The following MGAT4C variants were observed in gnomAD, a reference collection of about 807,000 sequenced individuals.
MGAT4C encodes the protein alpha-1,3-mannosyl-glycoprotein 4-beta-N-acetylglucosaminyltransferase C.
In MGAT4C, 19 loss-of-function variants were observed where a neutral mutation model predicts 40.1. The ratio of observed to expected loss-of-function variants is 0.47; its 90% CI spans 0.33 to 0.70. The LOEUF is 0.70. MGAT4C is among the 30% of genes least tolerant of loss of function. The probability of loss-of-function intolerance (pLI) is 0.02; values close to 1 mark genes in which losing one functional copy is unlikely to be tolerated. For missense variants in MGAT4C, 491 were observed against 563.2 expected (o/e 0.87, Z 1.30); for synonymous variants, 181 against 187.1 (o/e 0.97, Z 0.27).
intron 2 of MGAT4C, among the ~76,000 whole-genome samples, chr12:86,667,071 A>G (rs1160955853): frequency 6.6e-6 from 1 of 152,194 alleles, no homozygotes; most frequent in Non-Finnish European, 1.5e-5. Context: ...CCTATTTCTT[A>G]TATGAAACTT....
chr12:86,223,887 T>C (rs1950976609), intron 1 of MGAT4C, among the ~76,000 whole-genome samples: 1 of 152,144 alleles, frequency 6.6e-6, no homozygotes, highest in Non-Finnish European at 1.5e-5. Context: ...TTGCAGTCAC[T>C]ACTATCACTA....
chr12:86,354,310 A>G (rs1352139051), intron 3 of MGAT4C, among the ~76,000 whole-genome samples: 1 of 152,234 alleles, frequency 6.6e-6, no homozygotes, highest in Non-Finnish European at 1.5e-5. Context: ...ATAGTATTAT[A>G]CAGTAATATT....
At chr12:86,382,598 C>A (rs1326937770) in intron 3 of MGAT4C, among the ~76,000 whole-genome samples, 3 of 152,186 alleles carry the variant, frequency 2.0e-5, no homozygotes, top group Admixed American at 2.0e-4. Flanking sequence ...TCAGAGACTT[C>A]AATGGCAGCC....
chr12:86,403,576 T>A (rs1956410401), intron 3 of MGAT4C, among the ~76,000 whole-genome samples: 1 of 152,218 alleles, frequency 6.6e-6, no homozygotes, highest in Admixed American at 6.5e-5. Context: ...TTTTTACATT[T>A]AAATTATATG....
chr12:86,088,473 T>C (rs1263826888), intron 1 of MGAT4C, among the ~76,000 whole-genome samples: 1 of 151,920 alleles, frequency 6.6e-6, no homozygotes, highest in East Asian at 1.9e-4. Flanking sequence ...TTGCGAACTA[T>C]CTATCTAGCA....
At chr12:86,684,640 T>C (rs1950039634) in intron 2 of MGAT4C, among the ~76,000 whole-genome samples, 1 of 152,194 alleles carries the variant, frequency 6.6e-6, no homozygotes, top group Non-Finnish European at 1.5e-5. Flanking sequence ...TAATTTACAC[T>C]TCCACCAACA....
intron 2 of MGAT4C, among the ~76,000 whole-genome samples, chr12:86,535,077 C>T (rs10745418): frequency 0.92 from 139,934 of 152,176 alleles, 64,440 homozygotes; most frequent in East Asian, 1. Flanking sequence ...AAATGAAATA[C>T]TGTGAATACA....
chr12:86,657,251 TG>T (rs1963873825), intron 2 of MGAT4C, among the ~76,000 whole-genome samples: 1 of 151,834 alleles, frequency 6.6e-6, no homozygotes. Context: ...AAGCTTTGAG[TG>T]AAAACAATGT....
At chr12:86,235,834 A>T (rs1951514473) in intron 1 of MGAT4C, among the ~76,000 whole-genome samples, 1 of 151,974 alleles carries the variant, frequency 6.6e-6, no homozygotes, top group Non-Finnish European at 1.5e-5. Context: ...ACTTATTGTT[A>T]TTGTCCTTAG....
intron 2 of MGAT4C, among the ~76,000 whole-genome samples, chr12:86,597,081 T>C (rs1452439540): frequency 6.6e-6 from 1 of 152,230 alleles, no homozygotes; most frequent in Non-Finnish European, 1.5e-5. Context: ...AAAACTACTC[T>C]TAAAATTTTG....
Position 86,768,727 on chromosome 12 carries a change from A to G in MGAT4C, c.-261-41486T>C, listed in dbSNP as rs548335397. On this transcript the variant is annotated intron_variant, in intron 1 of 7. Transcript: ENST00000548651. ...GAAATAACGCCGCATATCTACAACT[A>G]TCTGATCTTTGACAAACCTGAGAAA... is the stretch of plus-strand genomic sequence containing the variant. Among the ~76,000 whole-genome samples, 139 of 152,292 alleles carry G rather than the reference A, an allele frequency of 9.1e-4. 1 individual carries two copies. The highest frequency in any genetic ancestry group is 1.5e-3 in the Non-Finnish European group (102 of 68,032).
chr12:86,516,288 A>T (rs1958686748), intron 2 of MGAT4C, among the ~76,000 whole-genome samples: 1 of 152,184 alleles, frequency 6.6e-6, no homozygotes, highest in Non-Finnish European at 1.5e-5. Context: ...TCCAAGTATA[A>T]ATCCTTGAAC....
At chr12:86,636,832 T>C (rs1347891799) in intron 2 of MGAT4C, among the ~76,000 whole-genome samples, 1 of 152,036 alleles carries the variant, frequency 6.6e-6, no homozygotes, top group Non-Finnish European at 1.5e-5. Flanking sequence ...TCCTTTTAAA[T>C]TATCAAAGTA....
chr12:86,197,930 A>C (rs1949887900), intron 1 of MGAT4C, among the ~76,000 whole-genome samples: 1 of 152,126 alleles, frequency 6.6e-6, no homozygotes, highest in South Asian at 2.1e-4. Context: ...CTTAAGAGAG[A>C]TTTACACTAA....
intron 1 of MGAT4C, among the ~76,000 whole-genome samples, chr12:86,142,804 C>T (rs1292178172): frequency 6.6e-6 from 1 of 150,602 alleles, no homozygotes; most frequent in East Asian, 2.0e-4. Context: ...ACTGTGGATT[C>T]AGTTGTGTCC....
chr12:86,009,536 C>T (rs1348326796), intron 2 of MGAT4C, among the ~76,000 whole-genome samples: 5 of 152,172 alleles, frequency 3.3e-5, no homozygotes, highest in African/African-American at 1.2e-4. Flanking sequence ...CCTTGTATTG[C>T]AACCCAGAAC....
intron 2 of MGAT4C, among the ~76,000 whole-genome samples, chr12:86,489,420 T>A (rs183705767): frequency 1.8e-4 from 27 of 152,130 alleles, no homozygotes; most frequent in African/African-American, 6.5e-4. Context: ...ACACACCAAG[T>A]GTGGGTACCC....
At chr12:86,780,477 T>C (rs948434262) in intron 1 of MGAT4C, among the ~76,000 whole-genome samples, 5 of 152,152 alleles carry the variant, frequency 3.3e-5, no homozygotes, top group Non-Finnish European at 5.9e-5. Flanking sequence ...GTTCTCATGA[T>C]AGTGAGTGAG....
intron 4 of MGAT4C, among the ~76,000 whole-genome samples, chr12:86,324,699 G>GA (rs1555267245): frequency 1.4e-5 from 2 of 147,616 alleles, no homozygotes; most frequent in Non-Finnish European, 3.0e-5. Flanking sequence ...AACGAGAGTT[G>GA]TTTTTTTTTT....
Sources: allele counts gnomAD v4.1 joint callset (sites outside exome capture counted in the v4.1 genomes callset), GRCh38; gene constraint gnomAD v4.1.1; transcripts MANE v1.5; gene names NCBI Gene and HGNC (gene_info 2026-07-23, HGNC 2026-07-21).